Variants in USP24 observed in about 807,000 individuals in gnomAD.
USP24 encodes ubiquitin specific peptidase 24.
USP24 carries 97 observed loss-of-function variants against 361.6 expected under a neutral mutation model. That is an observed-to-expected ratio of 0.27 (90% CI 0.23 to 0.32). USP24 has a LOEUF of 0.32. USP24 is among the 10% of genes least tolerant of loss of function. The pLI is 1.00. For synonymous variants in USP24, 1,098 were observed against 1,124.6 expected, an observed-to-expected ratio of 0.98 and a Z score of 0.47; for missense variants, 2,353 against 3,165.6, an observed-to-expected ratio of 0.74 and a Z score of 6.16.
At chr1:55,075,348 T>G in intron 63 of USP24, 109 bp downstream of exon 63, 2 of 1,031,604 alleles carry the variant, frequency 1.9e-6, no homozygotes, top group Non-Finnish European at 2.8e-6. Context: ...TTCTACTGTA[T>G]CAGTCACTGT....
At chr1:55,178,541 C>A (rs879746767) in intron 1 of USP24, among the ~76,000 whole-genome samples, 1 of 151,284 alleles carries the variant, frequency 6.6e-6, no homozygotes, top group Admixed American at 6.6e-5. Context: ...TAGTGGCGGG[C>A]GCCTGTAGTC....
chr1:55,110,569 C>T (rs964999842), intron 38 of USP24, among the ~76,000 whole-genome samples: 4 of 152,094 alleles, frequency 2.6e-5, no homozygotes, highest in Non-Finnish European at 5.9e-5. Flanking sequence ...TACTAAGCAC[C>T]TACAAATGCC....
At chr1:55,160,062 A>T (rs1648111869) in intron 8 of USP24, among the ~76,000 whole-genome samples, 1 of 152,242 alleles carries the variant, frequency 6.6e-6, no homozygotes, top group Admixed American at 6.5e-5. Flanking sequence ...TTATGCTGTC[A>T]TATGAACGAT....
In USP24 at chr1:55,100,865, A is replaced by G; in HGVS notation, c.5245T>C (p.Tyr1749His). The G allele has an allele frequency of 6.2e-7, 1 of 1,613,472 alleles. No individual in the cohort carries two copies. The highest frequency in any genetic ancestry group is 8.5e-7 in the Non-Finnish European group (1 of 1,179,668). ...TTCCAAAAATTCTCAGGTACATAGT[A>G]CTGCAGCTTGCTTTCCATTAAATGT... ...FGHLMESKLQ[Y>H]YVPENFWKIF... The change falls in exon 44 of 68, where the codon TAC becomes CAC. Residue 1749 changes from tyrosine to histidine, a missense_variant. Around this residue, in one of 8 missense-constraint regions of USP24, gnomAD observed 105 missense variants for 200.3 expected, o/e 0.52. Transcript: ENST00000294383.
At chr1:55,108,879 C>T (rs551088806) in intron 39 of USP24, among the ~76,000 whole-genome samples, 2 of 152,332 alleles carry the variant, frequency 1.3e-5, no homozygotes, top group East Asian at 1.9e-4. Context: ...CCACCCACTT[C>T]GCTAGATCCA....
chr1:55,122,705 T>TG (rs902988649), intron 36 of USP24, among the ~76,000 whole-genome samples: 3 of 150,386 alleles, frequency 2.0e-5, no homozygotes, highest in Non-Finnish European at 4.4e-5. Context: ...AAGTAGGGGG[T>TG]GAAAAAAAGA....
chr1:55,188,661 A>T (rs1644199734), intron 1 of USP24, among the ~76,000 whole-genome samples: 1 of 152,140 alleles, frequency 6.6e-6, no homozygotes, highest in South Asian at 2.1e-4. Flanking sequence ...GCCAAAATTT[A>T]AAAAGACAGG....
chr1:55,072,615 T>A (rs1327206618), intron 65 of USP24, among the ~76,000 whole-genome samples, 171 bp downstream of exon 65: 3 of 152,224 alleles, frequency 2.0e-5, no homozygotes, highest in African/African-American at 4.8e-5. Flanking sequence ...TTAAGACATA[T>A]GTATTAGGAC....
In USP24 at chr1:55,139,010, T is replaced by C. The variant is rs778657545; in HGVS notation, c.2751A>G (p.Arg917=). The stretch of plus-strand genomic sequence containing the variant: ...TCTCAATTATTACAAGTTTAGTAGA[T>C]CTATAGATTAAAAAAAAAAAGTATT... ...TVATSVQSPY[R]STKLVIIERL... is the part of the protein sequence containing the mutation. The change falls in exon 25 of 68, where the codon AGA becomes AGG. Residue 917 remains arginine (R), a splice_region_variant and synonymous_variant. Transcript: ENST00000294383. The C allele has an allele frequency of 5.6e-6, 9 of 1,604,712 alleles. No homozygotes were observed. In the South Asian group the frequency reaches 7.8e-5, roughly 14 times the overall value.
intron 36 of USP24, among the ~76,000 whole-genome samples, chr1:55,122,874 A>G (rs1414072482): frequency 1.3e-5 from 2 of 152,164 alleles, no homozygotes; most frequent in Admixed American, 1.3e-4. Context: ...TGGAGACATC[A>G]GGACAGTGGT....
intron 1 of USP24, among the ~76,000 whole-genome samples, chr1:55,210,929 T>C (rs1334523733): frequency 6.6e-6 from 1 of 152,204 alleles, no homozygotes; most frequent in East Asian, 1.9e-4. Context: ...TTCCAAAAAC[T>C]TCCATTTTAG....
At chr1:55,154,837 TC>T in intron 12 of USP24, 59 bp from the exon 13 acceptor site, 1 of 1,344,568 alleles carries the variant, frequency 7.4e-7, no homozygotes, top group East Asian at 2.3e-5. Flanking sequence ...ACCTAAGTCT[TC>T]CCCCTGGCAA....
intron 16 of USP24, among the ~76,000 whole-genome samples, chr1:55,150,953 G>T (rs948623065): frequency 6.6e-6 from 1 of 152,138 alleles, no homozygotes; most frequent in African/African-American, 2.4e-5. Context: ...AGGTCAGTTG[G>T]TTTAGCCTGC....
chr1:55,120,727 G>A lies in USP24; in HGVS notation c.4377C>T (p.Tyr1459=), dbSNP rs1480709425. Residue 1459 remains tyrosine (Y), a synonymous_variant, in exon 38 of 68, where the codon TAC becomes TAT. Coordinates refer to ENST00000294383, the MANE Select transcript of USP24 (RefSeq NM_015306.3). ...EIRRVACDQL[Y]TLSQTDTSAH... ...CTGATGTGTCTGTCTGACTAAGAGT[G>A]TACAGCTGATCACAGGCAACCCGGC... 1.9e-6 allele frequency: 3 copies of A among 1,573,278 alleles called. No homozygotes were observed. In the Admixed American group the frequency reaches 5.6e-5, roughly 29 times the overall value.
chr1:55,185,954 G>C (rs1644119374), intron 1 of USP24, among the ~76,000 whole-genome samples: 1 of 152,004 alleles, frequency 6.6e-6, no homozygotes, highest in Non-Finnish European at 1.5e-5. Context: ...AGATAACCCA[G>C]GTAAAATGAA....
At chr1:55,076,583 C>T (rs1272148601) in intron 62 of USP24, among the ~76,000 whole-genome samples, 1 of 152,132 alleles carries the variant, frequency 6.6e-6, no homozygotes, top group East Asian at 1.9e-4. Flanking sequence ...TCCACAATAC[C>T]TCTTGATCTG....
At chr1:55,154,811 C>T in intron 12 of USP24, 33 bp from the exon 13 acceptor site, 1 of 1,568,110 alleles carries the variant, frequency 6.4e-7, no homozygotes, top group Non-Finnish European at 8.7e-7. Context: ...AAAATTAAGT[C>T]TTGGAACTCG....
At chr1:55,173,200 ATATCT>A (rs1312425571) in intron 3 of USP24, among the ~76,000 whole-genome samples, 2 of 152,172 alleles carry the variant, frequency 1.3e-5, no homozygotes, top group Admixed American at 6.5e-5. Flanking sequence ...AATCTTAGAA[ATATCT>A]TAACAGTTTA....
intron 7 of USP24, among the ~76,000 whole-genome samples, 157 bp from the exon 8 acceptor site, chr1:55,162,421 G>T (rs114910935): frequency 0.013 from 1,943 of 152,178 alleles, 36 homozygotes; most frequent in African/African-American, 0.044. Flanking sequence ...TGGATAGAAA[G>T]AATTGATATA....
Sources: allele counts gnomAD v4.1 joint callset (sites outside exome capture counted in the v4.1 genomes callset), GRCh38; gene constraint gnomAD v4.1.1; regional missense constraint gnomAD v4.1.1; transcripts MANE v1.5; gene names NCBI Gene and HGNC (gene_info 2026-07-23, HGNC 2026-07-21).